Variants in GRIK3 observed in about 807,000 individuals in gnomAD.
GRIK3 encodes glutamate ionotropic receptor kainate type subunit 3.
Under a neutral mutation model 102.5 loss-of-function variants are expected in GRIK3, and 29 were observed. That is an observed-to-expected ratio of 0.28 (90% CI 0.21 to 0.39). The LOEUF is 0.39. Ranked by LOEUF, GRIK3 falls within the 10% of genes least tolerant of loss-of-function variation. The probability of loss-of-function intolerance (pLI) is 1.00; values close to 1 mark genes in which losing one functional copy is unlikely to be tolerated. For missense variants in GRIK3, 908 were observed against 1,252.4 expected, an observed-to-expected ratio of 0.73 and a Z score of 4.15; for synonymous variants, 511 against 504.9, an observed-to-expected ratio of 1.01 and a Z score of -0.16.
At chr1:36,942,302 C>G (rs527865335) in intron 1 of GRIK3, among the ~76,000 whole-genome samples, 37 of 152,318 alleles carry the variant, frequency 2.4e-4, no homozygotes, top group Middle Eastern at 6.8e-3. Flanking sequence ...AGCCAGGAGC[C>G]CCTGGCACTT....
Position 36,819,606 on chromosome 1 carries a change from C to A in GRIK3, c.1873+130G>T, listed in dbSNP as rs983528214. 6.2e-6 allele frequency: 4 copies of A among 644,210 alleles called. No individual in the cohort carries two copies. The African/African-American group carries it at 7.2e-5, about 12-fold the overall frequency. The allele number at this position is 644,210 out of a possible 1,614,324, so 39.9% of individuals were successfully genotyped here. On this transcript the variant is annotated intron_variant, in intron 12 of 15. Transcript: ENST00000373091. This position sits in a 1 kb window ranked among gnomAD's most constrained non-coding sequence, Gnocchi z 4.1. ...ACCTGGGTATCTCGATGTCTCCAAACTTCTGCCGGCTCATCAGGGTCTGAG... is the reference window on the plus strand; with the variant it reads ...ACCTGGGTATCTCGATGTCTCCAAAATTCTGCCGGCTCATCAGGGTCTGAG...
chr1:37,000,313 A>G (rs893310827), intron 1 of GRIK3, among the ~76,000 whole-genome samples: 1 of 152,226 alleles, frequency 6.6e-6, no homozygotes, highest in African/African-American at 2.4e-5. Context: ...AATAATGGCT[A>G]CTTTTATTGA....
chr1:36,842,084 G>A (rs72668174), intron 9 of GRIK3, 145 bp from the exon 10 acceptor site: 98,844 of 686,520 alleles, frequency 0.14, 7,819 homozygotes, highest in African/African-American at 0.19. Flanking sequence ...GTGAAGTCAG[G>A]AGCGGGAAAG....
chr1:36,815,165 C>T (rs1642612883), intron 13 of GRIK3, among the ~76,000 whole-genome samples: 1 of 152,228 alleles, frequency 6.6e-6, no homozygotes, highest in Non-Finnish European at 1.5e-5. Context: ...GTTGTCTTCC[C>T]CTCACTCTAA....
At chr1:37,005,055 A>G (rs1310450802) in intron 1 of GRIK3, among the ~76,000 whole-genome samples, 1 of 152,172 alleles carries the variant, frequency 6.6e-6, no homozygotes, top group Non-Finnish European at 1.5e-5. Context: ...CCCTCTAAAG[A>G]CAGTTTCTCT....
chr1:37,026,763 C>T (rs1398749110), intron 1 of GRIK3, among the ~76,000 whole-genome samples: 9 of 152,040 alleles, frequency 5.9e-5, no homozygotes, highest in Admixed American at 2.0e-4. Flanking sequence ...ATTGGACTCA[C>T]GTTCAAAAAT....
At chr1:36,855,534 T>C (rs1256061364) in intron 7 of GRIK3, among the ~76,000 whole-genome samples, 1 of 152,200 alleles carries the variant, frequency 6.6e-6, no homozygotes, top group Non-Finnish European at 1.5e-5. Flanking sequence ...AGAGGGAGGC[T>C]ATAAAACCAA....
intron 1 of GRIK3, among the ~76,000 whole-genome samples, chr1:37,029,184 T>A (rs1476989585): frequency 6.6e-6 from 1 of 152,196 alleles, no homozygotes; most frequent in African/African-American, 2.4e-5. Flanking sequence ...GCCAGCCCCA[T>A]CCGCATCAGC....
chr1:36,809,624 C>A (rs182810049), intron 13 of GRIK3, among the ~76,000 whole-genome samples: 2 of 152,226 alleles, frequency 1.3e-5, no homozygotes, highest in Non-Finnish European at 2.9e-5. Context: ...ATCCTCCCCA[C>A]ACCCCAACAC....
At chr1:36,846,133 C>A (rs915127754) in intron 9 of GRIK3, among the ~76,000 whole-genome samples, 1 of 152,088 alleles carries the variant, frequency 6.6e-6, no homozygotes. Flanking sequence ...GAGGTTTGGG[C>A]AGATGAATTT....
intron 5 of GRIK3, 25 bp downstream of exon 5, chr1:36,869,723 G>A (rs766095568): frequency 7.7e-6 from 12 of 1,568,252 alleles, no homozygotes; most frequent in South Asian, 6.7e-5. Context: ...CCCCTTTCCC[G>A]TGCCAGGACC....
chr1:36,883,134 T>A (rs983735141), intron 2 of GRIK3, among the ~76,000 whole-genome samples: 2 of 152,164 alleles, frequency 1.3e-5, no homozygotes, highest in African/African-American at 4.8e-5. Context: ...CCCCTAAGAT[T>A]TGCAGGGCCC....
chr1:36,916,265 G>T (rs1273382635), intron 1 of GRIK3, among the ~76,000 whole-genome samples: 1 of 152,118 alleles, frequency 6.6e-6, no homozygotes, highest in Non-Finnish European at 1.5e-5. Flanking sequence ...GCATTCAAAA[G>T]GTGACTTGGG....
Position 36,850,523 on chromosome 1 carries a change from C to A in GRIK3, c.1213-99G>T. The A allele has an allele frequency of 1.4e-6, 1 of 723,368 alleles. No individual in the cohort carries two copies. Among genetic ancestry groups the A allele is most frequent in the Non-Finnish European group, 2.5e-6 (1 of 400,144 alleles). The allele number at this position is 723,368 out of a possible 1,614,324, so 44.8% of individuals were successfully genotyped here. A position where few individuals can be genotyped will look rare whatever the true frequency, so the allele number is the denominator to read the frequency against. ...TCATCTCATTCCCATTCATCATGAG[C>A]CTCATTGTCATGATCATCATCATCA... On this transcript the variant is annotated intron_variant, in intron 8 of 15. Transcript: ENST00000373091. The surrounding 1 kb of genome is among the most constrained non-coding windows in gnomAD (Gnocchi z 4.0).
At chr1:37,032,582 G>A (rs1245493330) in intron 1 of GRIK3, among the ~76,000 whole-genome samples, 1 of 152,140 alleles carries the variant, frequency 6.6e-6, no homozygotes, top group Non-Finnish European at 1.5e-5. Flanking sequence ...CGGTTGTCAG[G>A]AGCAACCAGG....
At chr1:36,973,417 T>C (rs916112930) in intron 1 of GRIK3, among the ~76,000 whole-genome samples, 3 of 75,382 alleles carry the variant, frequency 4.0e-5, no homozygotes, top group Admixed American at 1.2e-4. Flanking sequence ...TTCTTTTTCC[T>C]TTTTTTTTTT....
At chr1:36,822,413 C>T (rs1013057895) in intron 11 of GRIK3, among the ~76,000 whole-genome samples, 4 of 152,120 alleles carry the variant, frequency 2.6e-5, no homozygotes, top group Non-Finnish European at 5.9e-5. Context: ...GTGGAGGCCA[C>T]GAGGATCCTG....
chr1:36,999,982 G>C (rs1642458556), intron 1 of GRIK3, among the ~76,000 whole-genome samples: 1 of 152,180 alleles, frequency 6.6e-6, no homozygotes, highest in Non-Finnish European at 1.5e-5. Context: ...GGGTGACAGA[G>C]CGAGACTCCG....
chr1:36,975,690 T>C (rs545853617), intron 1 of GRIK3, among the ~76,000 whole-genome samples: 22 of 152,280 alleles, frequency 1.4e-4, no homozygotes, highest in Middle Eastern at 3.4e-3. Context: ...AACTATCGGT[T>C]TTGGGAAGCC....
Sources: allele counts gnomAD v4.1 joint callset (sites outside exome capture counted in the v4.1 genomes callset), GRCh38; gene constraint gnomAD v4.1.1; non-coding constraint Gnocchi (gnomAD v3.1); transcripts MANE v1.5; gene names NCBI Gene and HGNC (gene_info 2026-07-23, HGNC 2026-07-21).